The following ZNF136 variants were observed in gnomAD, a reference collection of about 807,000 sequenced individuals.
The protein encoded by ZNF136 is zinc finger protein 136, also known as zinc finger protein 136 (clone pHZ-20).
Under a neutral mutation model 11.4 loss-of-function variants are expected in ZNF136, and 8 were observed. The observed-to-expected ratio is 0.70, with a 90% confidence interval of 0.41 to 1.27. The LOEUF (loss-of-function observed/expected upper bound fraction) is 1.27. ZNF136 is among the 50% of genes most tolerant of loss of function. The pLI is 0.01. For synonymous variants in ZNF136, 190 were observed against 207.1 expected (o/e 0.92, Z 0.71); for missense variants, 590 against 656.5 (o/e 0.90, Z 1.11).
At position 12,168,869 on chromosome 19, in the gene ZNF136, G is replaced by T. The variant is rs535448730; in HGVS notation, c.3+5663G>T. The stretch of plus-strand genomic sequence containing the variant: ...TTTTTTGTATTTATAGTAGAGATGG[G>T]GTTTTACCATGTTGGCCACGCTGGT... On this transcript the variant is annotated intron_variant, in intron 1 of 3. Transcript: ENST00000343979. Among the ~76,000 whole-genome samples, 20 of 152,006 alleles carry T rather than the reference G, an allele frequency of 1.3e-4. No homozygotes were observed. In the East Asian group the frequency reaches 2.9e-3, roughly 22 times the overall value.
In ZNF136 at chr19:12,187,374, T is replaced by TG; in HGVS notation, c.997dup (p.Glu333GlyfsTer7). On this transcript the variant is annotated frameshift_variant, in exon 4 of 4. Transcript: ENST00000343979. LOFTEE classifies it low-confidence loss of function (END_TRUNC). ...GACTACATGAAAGAATTCACACTGG[T>TG]GAGAAACCCTTCGTATGTAAACAAT... 1 of 1,613,664 alleles carries TG rather than the reference T, an allele frequency of 6.2e-7. No individual in the cohort carries two copies. The highest frequency in any genetic ancestry group is 8.5e-7 in the Non-Finnish European group (1 of 1,179,930).
At chr19:12,179,991 G>A (rs1171007487) in intron 1 of ZNF136, among the ~76,000 whole-genome samples, 4 of 151,598 alleles carry the variant, frequency 2.6e-5, no homozygotes, top group African/African-American at 4.8e-5. Context: ...TCAGCCTCCC[G>A]AGTAGCTGGG....
chr19:12,165,455 C>T (rs1304818519), intron 1 of ZNF136, among the ~76,000 whole-genome samples: 3 of 152,166 alleles, frequency 2.0e-5, no homozygotes, highest in Admixed American at 2.0e-4. Context: ...TAATGTATTT[C>T]CCAAGAGGTA....
chr19:12,167,553 T>G (rs978512039), intron 1 of ZNF136, among the ~76,000 whole-genome samples: 3 of 152,064 alleles, frequency 2.0e-5, no homozygotes, highest in Non-Finnish European at 4.4e-5. Flanking sequence ...TTGCCAGACT[T>G]TGTCTCAAAA....
In ZNF136 at chr19:12,187,226, A is replaced by C; in HGVS notation, c.848A>C (p.Lys283Thr). The change falls in exon 4 of 4, where the codon AAG (lysine) becomes ACG (threonine). Residue 283 changes from lysine (K) to threonine (T), a missense_variant. By Grantham distance (78) the Lys-to-Thr change is moderately conservative. Transcript: ENST00000343979. ...ACTGGAGAAAAACCCTTTAAATGTA[A>C]GCAATGTGGTAAAGCCTTCAGTTGT... ...IHTGEKPFKC[K>T]QCGKAFSCSP... 2 of 1,613,936 alleles carry C rather than the reference A, an allele frequency of 1.2e-6. No individual in the cohort carries two copies. Among genetic ancestry groups the C allele is most frequent in the Non-Finnish European group, 1.7e-6 (2 of 1,179,964 alleles).
intron 1 of ZNF136, among the ~76,000 whole-genome samples, chr19:12,166,851 T>A (rs992019288): frequency 2.0e-5 from 3 of 152,152 alleles, no homozygotes. Context: ...ACATGAGGTA[T>A]GTAAAGGGAA....
At chr19:12,165,176 A>G (rs1442359003) in intron 1 of ZNF136, among the ~76,000 whole-genome samples, 2 of 152,208 alleles carry the variant, frequency 1.3e-5, no homozygotes, top group Non-Finnish European at 2.9e-5. Flanking sequence ...GAATAACCTG[A>G]AAAACAAAAT....
chr19:12,184,159 G>A (rs1393242637), intron 1 of ZNF136, among the ~76,000 whole-genome samples: 3 of 151,964 alleles, frequency 2.0e-5, no homozygotes, highest in South Asian at 2.1e-4. Flanking sequence ...CCACCTCCTC[G>A]GGAGGTTGAG....
chr19:12,186,034 C>T, intron 2 of ZNF136, 80 bp from the exon 3 acceptor site: 1 of 1,593,196 alleles, frequency 6.3e-7, no homozygotes, highest in Non-Finnish European at 8.6e-7. Flanking sequence ...GGCATAGTCA[C>T]AGGGTATCAT....
At chr19:12,179,432 T>C (rs1914886265) in intron 1 of ZNF136, among the ~76,000 whole-genome samples, 1 of 151,596 alleles carries the variant, frequency 6.6e-6, no homozygotes, top group African/African-American at 2.4e-5. Flanking sequence ...TGCCTCACCC[T>C]CCTGAGTAGC....
intron 1 of ZNF136, among the ~76,000 whole-genome samples, chr19:12,181,055 T>C (rs1914927608): frequency 6.6e-6 from 1 of 152,186 alleles, no homozygotes; most frequent in Admixed American, 6.5e-5. Flanking sequence ...CCCTGTACGA[T>C]CTTGTGGTGA....
rs574741062 is a variant in ZNF136 at position 12,176,374 on chromosome 19, G to T, written c.4-9411G>T. On this transcript the variant is annotated intron_variant, in intron 1 of 3. Coordinates refer to ENST00000343979, the MANE Select transcript of ZNF136 (RefSeq NM_003437.5). ...GGAGTTTCGCTCTTGTTGCCCAGGT[G>T]GGACTGCAGTGGCGGGATCTCGGCT... Among the ~76,000 whole-genome samples the T allele has an allele frequency of 9.0e-4, 137 of 151,902 alleles. 1 individual carries two copies. The East Asian group carries it at 0.022, about 25-fold the overall frequency.
chr19:12,177,374 G>A (rs969943937), intron 1 of ZNF136, among the ~76,000 whole-genome samples: 1 of 152,172 alleles, frequency 6.6e-6, no homozygotes, highest in African/African-American at 2.4e-5. Context: ...ACGGAGTCTC[G>A]CTCTGTAGCC....
chr19:12,187,281 C>G lies in ZNF136; in HGVS notation c.903C>G (p.Thr301=). The change falls in exon 4 of 4, where the codon ACC becomes ACG. Residue 301 remains threonine, a synonymous_variant. Transcript: ENST00000343979. ...CSPTLRIHER[T]HTGEKPYECK... is the part of the protein sequence containing the mutation. ...CAACCTTACGAATACATGAAAGAAC[C>G]CATACTGGAGAGAAACCTTATGAAT... 1 of 1,613,212 alleles carries G rather than the reference C, an allele frequency of 6.2e-7. No individual in the cohort carries two copies. The highest frequency in any genetic ancestry group is 8.5e-7 in the Non-Finnish European group (1 of 1,179,764).
At chr19:12,176,372 G>T (rs1422111502) in intron 1 of ZNF136, among the ~76,000 whole-genome samples, 1 of 152,004 alleles carries the variant, frequency 6.6e-6, no homozygotes, top group Non-Finnish European at 1.5e-5. Context: ...TGTTGCCCAG[G>T]TGGGACTGCA....
intron 1 of ZNF136, among the ~76,000 whole-genome samples, chr19:12,167,837 G>A (rs1009432961): frequency 6.6e-5 from 10 of 152,134 alleles, no homozygotes; most frequent in Admixed American, 2.0e-4. Flanking sequence ...TTCTGTGAAA[G>A]CAAAGCCAAA....
In ZNF136 at chr19:12,163,125, CT is replaced by C. The variant is rs1568395325; in HGVS notation, c.-78del. 2.2e-6 allele frequency: 3 copies of C among 1,380,722 alleles called. No individual in the cohort carries two copies. In the East Asian group the frequency reaches 8.2e-5, roughly 38 times the overall value. The allele number at this position is 1,380,722 out of a possible 1,614,324, so 85.5% of individuals were successfully genotyped here. On this transcript the variant is annotated 5_prime_UTR_variant, in exon 1 of 4. Coordinates refer to ENST00000343979, the MANE Select transcript of ZNF136 (RefSeq NM_003437.5). Reference sequence around the variant, plus strand: ...GTCCCAGAGGCCCAGAGTGGCTCGCCTGGAGTCTCTGTGGCGCGGTTTCCTG... The same window carrying C: ...GTCCCAGAGGCCCAGAGTGGCTCGCCGGAGTCTCTGTGGCGCGGTTTCCTG...
chr19:12,170,736 C>T (rs1914633790), intron 1 of ZNF136, among the ~76,000 whole-genome samples: 2 of 151,536 alleles, frequency 1.3e-5, no homozygotes, highest in African/African-American at 2.4e-5. Flanking sequence ...GTGGCGCGAT[C>T]TCAGCTCACT....
chr19:12,168,568 C>T (rs1278892942), intron 1 of ZNF136, among the ~76,000 whole-genome samples: 10 of 152,008 alleles, frequency 6.6e-5, no homozygotes, highest in Admixed American at 6.5e-4. Flanking sequence ...TGAATATTGG[C>T]CCTTGTGTGA....
Sources: gnomAD v4.1 joint callset for allele counts (sites outside exome capture counted in the v4.1 genomes callset) on GRCh38, gnomAD v4.1.1 for gene constraint, MANE v1.5 for transcripts, NCBI Gene and HGNC (gene_info 2026-07-23, HGNC 2026-07-21) for gene names.